SSBP2: variants seen among roughly 807,000 people sequenced by gnomAD.
SSBP2 encodes the protein single-stranded DNA-binding protein 2.
Under a neutral mutation model 61.8 loss-of-function variants are expected in SSBP2, and 17 were observed. The observed-to-expected ratio is 0.28, with a 90% CI of 0.19 to 0.41. SSBP2 has a LOEUF of 0.41. Among genes scored for constraint, SSBP2 ranks in the 10% least tolerant of loss-of-function variants. The pLI is 1.00. For missense variants in SSBP2, 310 were observed against 458.7 expected (o/e 0.68, Z 2.96); for synonymous variants, 139 against 141.3 (o/e 0.98, Z 0.12).
chr5:81,750,920 G>C, intron 1 of SSBP2, 61 bp downstream of exon 1: 1 of 1,524,326 alleles, frequency 6.6e-7, no homozygotes, highest in Non-Finnish European at 8.9e-7. Context: ...GAGTGTGCGA[G>C]TGCGTGCGTG....
intron 15 of SSBP2, among the ~76,000 whole-genome samples, chr5:81,434,633 C>CAAAAAAAAAAAAAAAAAAA (rs34269591): frequency 4.9e-4 from 21 of 43,012 alleles, no homozygotes; most frequent in Admixed American, 6.4e-4. Flanking sequence ...ACTCTTGACT[C>CAAAAAAAAAAAAAAAAAAA]AAAAAAAAAA....
At chr5:81,599,940 A>G (rs998784282) in intron 4 of SSBP2, among the ~76,000 whole-genome samples, 1 of 152,122 alleles carries the variant, frequency 6.6e-6, no homozygotes, top group Non-Finnish European at 1.5e-5. Context: ...ATGTTAGGGC[A>G]CATTTTATTG....
At chr5:81,719,659 C>T (rs547180515) in intron 1 of SSBP2, among the ~76,000 whole-genome samples, 1 of 152,164 alleles carries the variant, frequency 6.6e-6, no homozygotes, top group African/African-American at 2.4e-5. Flanking sequence ...TTATTACTCG[C>T]AGTTCTAGGA....
At chr5:81,692,651 A>G (rs970471063) in intron 1 of SSBP2, among the ~76,000 whole-genome samples, 1 of 152,238 alleles carries the variant, frequency 6.6e-6, no homozygotes, top group Non-Finnish European at 1.5e-5. Flanking sequence ...ACTGGCATAA[A>G]AACAGACACA....
intron 4 of SSBP2, among the ~76,000 whole-genome samples, chr5:81,608,668 A>C (rs1745120968): frequency 6.6e-6 from 1 of 152,192 alleles, no homozygotes; most frequent in South Asian, 2.1e-4. Flanking sequence ...ACTTTTTAAA[A>C]GTTTTTGAAC....
At position 81,682,622 on chromosome 5, in the gene SSBP2, G is replaced by A. The variant is rs142056650; in HGVS notation, c.63-32283C>T. 1.2e-4 allele frequency among the ~76,000 whole-genome samples: 18 copies of A among 152,240 alleles called. No individual in the cohort carries two copies. In the East Asian group the frequency reaches 1.9e-3, roughly 16 times the overall value. ...CTAAGGTCATAAAAATGTCAAGGAT[G>A]TTCCCTCTTACCACTGCTTTTTGGC... On this transcript the variant is annotated intron_variant, in intron 1 of 16. Transcript: ENST00000320672.
chr5:81,685,291 C>T (rs1038946406), intron 1 of SSBP2, among the ~76,000 whole-genome samples: 1 of 152,036 alleles, frequency 6.6e-6, no homozygotes, highest in Non-Finnish European at 1.5e-5. Context: ...CAGTATGATA[C>T]TACAATGGTT....
intron 10 of SSBP2, among the ~76,000 whole-genome samples, chr5:81,459,942 A>ACAT (rs1205211008): frequency 6.6e-6 from 1 of 152,260 alleles, no homozygotes; most frequent in East Asian, 1.9e-4. Context: ...AATGGAAGCA[A>ACAT]CATCATTCTT....
At chr5:81,516,256 T>C (rs1769012086) in intron 4 of SSBP2, among the ~76,000 whole-genome samples, 1 of 152,080 alleles carries the variant, frequency 6.6e-6, no homozygotes, top group African/African-American at 2.4e-5. Context: ...TTACAGTTTG[T>C]ACCTATTCCT....
chr5:81,437,397 G>A (rs750518424), intron 15 of SSBP2, 33 bp downstream of exon 15: 5 of 1,580,226 alleles, frequency 3.2e-6, no homozygotes, highest in Non-Finnish European at 4.3e-6. Flanking sequence ...ATAAAATTCT[G>A]ATTAAAAACA....
intron 1 of SSBP2, among the ~76,000 whole-genome samples, chr5:81,746,201 G>C (rs1203566427): frequency 6.6e-6 from 1 of 151,948 alleles, no homozygotes; most frequent in African/African-American, 2.4e-5. Flanking sequence ...CTTTAGATAT[G>C]TTCCTTAAAA....
At chr5:81,448,612 A>T (rs1763560658) in intron 11 of SSBP2, among the ~76,000 whole-genome samples, 178 bp downstream of exon 11, 2 of 152,192 alleles carry the variant, frequency 1.3e-5, no homozygotes, top group Non-Finnish European at 2.9e-5. Context: ...GGCCAGATTG[A>T]TAACTGTTTC....
chr5:81,451,243 T>C (rs1032370499), intron 10 of SSBP2, among the ~76,000 whole-genome samples: 4 of 152,168 alleles, frequency 2.6e-5, no homozygotes, highest in South Asian at 2.1e-4. Context: ...CTGTCATACA[T>C]TGAAGCTATC....
intron 4 of SSBP2, among the ~76,000 whole-genome samples, chr5:81,522,973 A>G (rs1384984347): frequency 1.3e-5 from 2 of 152,144 alleles, no homozygotes; most frequent in Admixed American, 1.3e-4. Flanking sequence ...AACAAAACCA[A>G]AATATTCCAC....
chr5:81,606,993 C>T (rs2153575783), intron 4 of SSBP2, among the ~76,000 whole-genome samples: 1 of 152,274 alleles, frequency 6.6e-6, no homozygotes, highest in South Asian at 2.1e-4. Context: ...ATAAGATTTG[C>T]ATATGGAAAA....
At chr5:81,711,002 T>C (rs1315910548) in intron 1 of SSBP2, among the ~76,000 whole-genome samples, 2 of 152,240 alleles carry the variant, frequency 1.3e-5, no homozygotes, top group East Asian at 3.9e-4. Flanking sequence ...TGTTTGTGTC[T>C]AGATTGGAAT....
At chr5:81,730,104 T>A (rs1469052709) in intron 1 of SSBP2, among the ~76,000 whole-genome samples, 1 of 152,254 alleles carries the variant, frequency 6.6e-6, no homozygotes, top group Admixed American at 6.5e-5. Flanking sequence ...TTATTTCTTT[T>A]TTAATTAAAT....
chr5:81,499,685 A>G (rs1246775618), intron 5 of SSBP2, among the ~76,000 whole-genome samples: 1 of 152,244 alleles, frequency 6.6e-6, no homozygotes, highest in African/African-American at 2.4e-5. Context: ...GGGTAAGACA[A>G]TAAAGATTTG....
chr5:81,668,248 T>TAAAAAAAA (rs11332987), intron 1 of SSBP2, among the ~76,000 whole-genome samples: 2 of 94,900 alleles, frequency 2.1e-5, no homozygotes, highest in Non-Finnish European at 2.0e-5. Flanking sequence ...TATGGAAGTT[T>TAAAAAAAA]AAAAAAAAAA....
Sources: gnomAD v4.1 joint callset for allele counts (sites outside exome capture counted in the v4.1 genomes callset) on GRCh38, gnomAD v4.1.1 for gene constraint, MANE v1.5 for transcripts, NCBI Gene and HGNC (gene_info 2026-07-23, HGNC 2026-07-21) for gene names.